Variants in CDH18 observed in about 807,000 individuals in gnomAD.
CDH18 encodes the protein cadherin 18, also known as cadherin-18.
A neutral mutation model predicts 67.9 loss-of-function variants in CDH18; 31 were observed. That is an observed-to-expected ratio of 0.46 (90% CI 0.34 to 0.62). CDH18 has a LOEUF of 0.62. CDH18 is among the 20% of genes least tolerant of loss of function. The pLI, the probability that CDH18 is intolerant of heterozygous loss-of-function variation, is 0.01. For missense variants in CDH18, 890 were observed against 975.5 expected (o/e 0.91, Z 1.17); for synonymous variants, 362 against 347.2 (o/e 1.04, Z -0.48).
intron 2 of CDH18, among the ~76,000 whole-genome samples, chr5:19,913,581 G>A (rs1344198187): frequency 6.6e-6 from 1 of 152,022 alleles, no homozygotes; most frequent in Non-Finnish European, 1.5e-5. Context: ...TGTGTTCATG[G>A]CAGTTCAAGA....
intron 4 of CDH18, among the ~76,000 whole-genome samples, chr5:19,741,251 ATATATG>A (rs1769131218): frequency 6.2e-5 from 5 of 81,270 alleles, no homozygotes; most frequent in Non-Finnish European, 1.5e-4. Context: ...ATATGTATGT[ATATATG>A]TATACATATA....
At chr5:19,647,184 A>G (rs1316178411) in intron 5 of CDH18, among the ~76,000 whole-genome samples, 1 of 151,982 alleles carries the variant, frequency 6.6e-6, no homozygotes, top group Non-Finnish European at 1.5e-5. Flanking sequence ...AGAAATGCAA[A>G]ATTTTGGATC....
chr5:19,761,574 G>A (rs934824044), intron 3 of CDH18, among the ~76,000 whole-genome samples: 5 of 151,832 alleles, frequency 3.3e-5, no homozygotes, highest in African/African-American at 1.2e-4. Context: ...AAAAAAAACT[G>A]CCCAACAAAA....
Position 19,903,674 on chromosome 5 carries a change from C to T in CDH18, c.-256-64432G>A. 1.4e-5 allele frequency among the ~76,000 whole-genome samples: 2 copies of T among 140,574 alleles called. 1 individual carries two copies. The highest frequency in any genetic ancestry group is 4.3e-4 in the East Asian group (2 of 4,652). The allele number at this position is 140,574 out of a possible 152,430, so 92.2% of individuals were successfully genotyped here. A position where few individuals can be genotyped will look rare whatever the true frequency, so the allele number is the denominator to read the frequency against. On this transcript the variant is annotated intron_variant, in intron 2 of 12. Coordinates refer to ENST00000382275, the MANE Select transcript of CDH18 (RefSeq NM_004934.5). ...CTATAAATACAAATCCTCTGAGCAG[C>T]ACTTTGCAGCATGTGGATAACACTC...
intron 1 of CDH18, among the ~76,000 whole-genome samples, chr5:20,272,232 A>G (rs1319551818): frequency 6.6e-6 from 1 of 152,142 alleles, no homozygotes; most frequent in Non-Finnish European, 1.5e-5. Flanking sequence ...AGAGAGACAC[A>G]TTAATTTAAG....
At chr5:19,549,832 G>A (rs1737070512) in intron 8 of CDH18, among the ~76,000 whole-genome samples, 1 of 151,626 alleles carries the variant, frequency 6.6e-6, no homozygotes, top group Non-Finnish European at 1.5e-5. Context: ...GAGGGAGGGA[G>A]GGACAGGTAA....
chr5:19,935,373 G>A (rs1794122933), intron 2 of CDH18, among the ~76,000 whole-genome samples: 1 of 151,306 alleles, frequency 6.6e-6, no homozygotes, highest in Non-Finnish European at 1.5e-5. Context: ...GTCACCAACA[G>A]ACCACTTATA....
chr5:20,460,448 G>A (rs1044746010), intron 1 of CDH18, among the ~76,000 whole-genome samples: 45 of 145,030 alleles, frequency 3.1e-4, no homozygotes, highest in African/African-American at 1.1e-3. Flanking sequence ...AATAAAATAT[G>A]TTGCGTGACT....
chr5:20,154,163 A>G (rs1054351405), intron 2 of CDH18, among the ~76,000 whole-genome samples: 2 of 152,164 alleles, frequency 1.3e-5, no homozygotes, highest in Non-Finnish European at 2.9e-5. Flanking sequence ...GTTAATGACT[A>G]TATCTCCTAT....
intron 5 of CDH18, among the ~76,000 whole-genome samples, chr5:19,686,625 G>C (rs980408874): frequency 2.0e-5 from 3 of 152,118 alleles, no homozygotes; most frequent in African/African-American, 4.8e-5. Context: ...GGATGAAATT[G>C]TGTGTAAACG....
chr5:20,118,376 A>T (rs1014882603), intron 2 of CDH18, among the ~76,000 whole-genome samples: 2 of 152,172 alleles, frequency 1.3e-5, no homozygotes. Context: ...AATTGTAAAG[A>T]TAAGCAATAA....
intron 11 of CDH18, among the ~76,000 whole-genome samples, chr5:19,489,218 A>G (rs1398157879): frequency 6.6e-6 from 1 of 151,066 alleles, no homozygotes; most frequent in African/African-American, 2.4e-5. Flanking sequence ...GAGATTAGTA[A>G]TCAATCTGTT....
At chr5:19,852,210 C>G (rs1217414302) in intron 2 of CDH18, among the ~76,000 whole-genome samples, 1 of 151,934 alleles carries the variant, frequency 6.6e-6, no homozygotes, top group Non-Finnish European at 1.5e-5. Flanking sequence ...TTTGGTTCAC[C>G]ACTCATTATT....
intron 2 of CDH18, among the ~76,000 whole-genome samples, chr5:20,033,938 C>G (rs182073574): frequency 1.3e-5 from 2 of 152,110 alleles, no homozygotes; most frequent in Admixed American, 1.3e-4. Context: ...TAAAAAGCAT[C>G]TGATCCTGAA....
intron 2 of CDH18, among the ~76,000 whole-genome samples, chr5:20,009,112 A>C (rs1737178166): frequency 6.6e-6 from 1 of 152,114 alleles, no homozygotes; most frequent in African/African-American, 2.4e-5. Flanking sequence ...AATAGAATGA[A>C]ATTTCTGGGT....
At chr5:19,852,025 TG>T (rs1783765889) in intron 2 of CDH18, among the ~76,000 whole-genome samples, 1 of 152,060 alleles carries the variant, frequency 6.6e-6, no homozygotes, top group Non-Finnish European at 1.5e-5. Flanking sequence ...AGGAATAAAA[TG>T]GATTATTTGC....
At chr5:19,656,806 A>G (rs62351297) in intron 5 of CDH18, among the ~76,000 whole-genome samples, 1,978 of 152,070 alleles carry the variant, frequency 0.013, 20 homozygotes, top group Middle Eastern at 0.024. Flanking sequence ...GCTAGGTTAA[A>G]TTCCAAGCAG....
intron 1 of CDH18, among the ~76,000 whole-genome samples, chr5:20,376,090 A>ATTTTTTTTTTTT (rs1562014136): frequency 5.9e-5 from 1 of 16,878 alleles, no homozygotes; most frequent in African/African-American, 1.4e-4. Flanking sequence ...AAAAAGAAAC[A>ATTTTTTTTTTTT]ATTTTTTTTT....
At chr5:20,009,600 A>T (rs1382694931) in intron 2 of CDH18, among the ~76,000 whole-genome samples, 1 of 152,130 alleles carries the variant, frequency 6.6e-6, no homozygotes, top group East Asian at 1.9e-4. Flanking sequence ...CAATATACGA[A>T]GTTTTCACAA....
Sources: allele counts gnomAD v4.1 joint callset (sites outside exome capture counted in the v4.1 genomes callset), GRCh38; gene constraint gnomAD v4.1.1; transcripts MANE v1.5; gene names NCBI Gene and HGNC (gene_info 2026-07-23, HGNC 2026-07-21).